Variants in CRBN observed in about 807,000 individuals in gnomAD.
The protein encoded by CRBN is cereblon, also known as protein cereblon.
Under a neutral mutation model 62.2 loss-of-function variants are expected in CRBN, and 53 were observed. That is an observed-to-expected ratio of 0.85 (90% CI 0.68 to 1.07). The LOEUF (loss-of-function observed/expected upper bound fraction) is 1.07, where lower values mean the gene tolerates loss of function less well. CRBN is among the 50% of genes least tolerant of loss of function. The pLI is 0.00. For synonymous variants in CRBN, 208 were observed against 176.1 expected (o/e 1.18, Z -1.43); for missense variants, 616 against 531.1 (o/e 1.16, Z -1.57).
upstream of CRBN, chr3:3,179,713 G>T: frequency 1.9e-6 from 3 of 1,608,468 alleles, no homozygotes; most frequent in Non-Finnish European, 2.5e-6. Context: ...AAGGAGGCTG[G>T]GACAGGGCGG....
intron 5 of CRBN, among the ~76,000 whole-genome samples, chr3:3,162,008 G>C (rs1390172314): frequency 6.6e-6 from 1 of 152,176 alleles, no homozygotes; most frequent in Non-Finnish European, 1.5e-5. Context: ...ATTAGGAGGA[G>C]ATTTAAACAC....
chr3:3,173,294 G>A (rs1232919874), intron 3 of CRBN, among the ~76,000 whole-genome samples: 1 of 152,122 alleles, frequency 6.6e-6, no homozygotes, highest in African/African-American at 2.4e-5. Context: ...CCGACCTCAG[G>A]TGATCCACCC....
At chr3:3,163,787 A>G (rs1354040717) in intron 5 of CRBN, among the ~76,000 whole-genome samples, 1 of 152,250 alleles carries the variant, frequency 6.6e-6, no homozygotes, top group Non-Finnish European at 1.5e-5. Flanking sequence ...TAATACAGGC[A>G]TACTGTGATT....
At chr3:3,152,263 G>C (rs1347501750) in intron 10 of CRBN, among the ~76,000 whole-genome samples, 193 bp downstream of exon 10, 1 of 150,922 alleles carries the variant, frequency 6.6e-6, no homozygotes, top group African/African-American at 2.4e-5. Context: ...AGAGATTCTT[G>C]TGCCTCAGCA....
intron 4 of CRBN, among the ~76,000 whole-genome samples, chr3:3,171,578 A>T (rs1669325): frequency 6.6e-6 from 1 of 152,088 alleles, no homozygotes; most frequent in African/African-American, 2.4e-5. Flanking sequence ...ATGTTCTGGA[A>T]AAGTACCTGG....
rs77227831 is a variant in CRBN at position 3,157,668 on chromosome 3, G to C, written c.688-1387C>G. Among the ~76,000 whole-genome samples, 283 of 152,230 alleles carry C rather than the reference G, an allele frequency of 1.9e-3. 2 individuals carry two copies. Among genetic ancestry groups the C allele is most frequent in the African/African-American group, 5.2e-3 (214 of 41,528 alleles). On this transcript the variant is annotated intron_variant, in intron 5 of 10. Coordinates refer to ENST00000231948, the MANE Select transcript of CRBN (RefSeq NM_016302.4). ...GCACACATAAAAGGGACTCGGGACT[G>C]AGCTGACAGCTGGAATTGTACTACG... is the stretch of plus-strand genomic sequence containing the variant.
rs1320293876 is a variant in CRBN at position 3,168,160 on chromosome 3, C to T, written c.528-367G>A. ...CTTTCTTAAACATTCTTAAGACACC[C>T]AAATTCTTCTATCCCCCCACTTCTT... On this transcript the variant is annotated intron_variant, in intron 4 of 10. Coordinates refer to ENST00000231948, the MANE Select transcript of CRBN (RefSeq NM_016302.4). 1.8e-3 allele frequency among the ~76,000 whole-genome samples: 274 copies of T among 151,674 alleles called. 2 individuals are homozygous for T. Among genetic ancestry groups the T allele is most frequent in the African/African-American group, 6.3e-3 (258 of 41,090 alleles).
At chr3:3,158,256 C>G (rs993964469) in intron 5 of CRBN, among the ~76,000 whole-genome samples, 1 of 152,198 alleles carries the variant, frequency 6.6e-6, no homozygotes, top group African/African-American at 2.4e-5. Flanking sequence ...CTATAAGAAT[C>G]TATGCTGCCA....
intron 9 of CRBN, chr3:3,153,079 A>T (rs1706696666): frequency 3.2e-6 from 1 of 308,354 alleles, no homozygotes; most frequent in Non-Finnish European, 6.1e-6. Flanking sequence ...TTGGCCCTAT[A>T]TGGCAAAACT....
In CRBN at chr3:3,157,610, C is replaced by T. The variant is rs188617916; in HGVS notation, c.688-1329G>A. ...CCTAGTCATATGATCTTGCAAGTGC[C>T]GGAGTAAGATCTGCAGGAAACGTGG... On this transcript the variant is annotated intron_variant, in intron 5 of 10. Coordinates refer to ENST00000231948, the MANE Select transcript of CRBN (RefSeq NM_016302.4). 6.4e-3 allele frequency among the ~76,000 whole-genome samples: 974 copies of T among 152,148 alleles called. 45 individuals are homozygous for T. Among genetic ancestry groups the T allele is most frequent in the Admixed American group, 0.048 (731 of 15,282 alleles).
chr3:3,163,718 T>C (rs1217304346), intron 5 of CRBN, among the ~76,000 whole-genome samples: 12 of 152,188 alleles, frequency 7.9e-5, no homozygotes, highest in Non-Finnish European at 1.5e-4. Flanking sequence ...GGATTTTTAA[T>C]GGTTAAGAAT....
Position 3,154,011 on chromosome 3 carries a change from T to A in CRBN, c.900A>T (p.Lys300Asn). Reference sequence around the variant, plus strand: ...GAAGTCGCTGGATAGCACTGCCAATTTTAAGGAGCTGAATTCTCAATACAT... The same window carrying A: ...GAAGTCGCTGGATAGCACTGCCAATATTAAGGAGCTGAATTCTCAATACAT... ...IDDVLRIQLL[K>N]IGSAIQRLRC... is the part of the protein sequence containing the mutation. Residue 300 changes from lysine to asparagine, a missense_variant, in exon 8 of 11, where the codon AAA becomes AAT. By Grantham distance (94) the Lys-to-Asn change is moderately conservative. Coordinates refer to ENST00000231948, the MANE Select transcript of CRBN (RefSeq NM_016302.4). The A allele has an allele frequency of 1.9e-6, 3 of 1,613,790 alleles. No homozygotes were observed. Among genetic ancestry groups the A allele is most frequent in the Non-Finnish European group, 8.5e-7 (1 of 1,179,730 alleles).
At chr3:3,157,790 T>C (rs182289784) in intron 5 of CRBN, among the ~76,000 whole-genome samples, 15 of 152,326 alleles carry the variant, frequency 9.8e-5, no homozygotes, top group African/African-American at 3.6e-4. Context: ...TAACTGCGGT[T>C]TTAACAGAAG....
chr3:3,161,773 T>G (rs116293057), intron 5 of CRBN, among the ~76,000 whole-genome samples: 2,228 of 152,336 alleles, frequency 0.015, 19 homozygotes, highest in Non-Finnish European at 0.022. Context: ...ATCATAAATA[T>G]TTACCTATAT....
At chr3:3,154,867 T>G in intron 6 of CRBN, 36 bp from the exon 7 acceptor site, 1 of 1,189,668 alleles carries the variant, frequency 8.4e-7, no homozygotes, top group South Asian at 1.2e-5. Flanking sequence ...ATCAAGTTCA[T>G]GGGCTTATTA....
chr3:3,177,021 A>C (rs186469443), intron 1 of CRBN, among the ~76,000 whole-genome samples: 89 of 152,332 alleles, frequency 5.8e-4, no homozygotes, highest in Admixed American at 1.4e-3. Context: ...TATTGGTTGC[A>C]ATAACTAAGG....
At chr3:3,153,386 A>G (rs545194008) in intron 9 of CRBN, 38 bp downstream of exon 9, 3 of 1,120,338 alleles carry the variant, frequency 2.7e-6, no homozygotes, top group East Asian at 4.7e-5. Context: ...TATAATTCTG[A>G]TAAGGCAAGT....
In CRBN at chr3:3,174,265, T is replaced by A. The variant is rs373448852; in HGVS notation, c.175-4A>T. The A allele has an allele frequency of 6.3e-7, 1 of 1,585,438 alleles. No individual in the cohort carries two copies. The highest frequency in any genetic ancestry group is 8.7e-7 in the Non-Finnish European group (1 of 1,153,652). The stretch of plus-strand genomic sequence containing the variant: ...CTTCCATATCAGCACCTAGGTACTA[T>A]ATAAAAACATATATAGGTATAGTGT... On this transcript the variant is annotated splice_region_variant and splice_polypyrimidine_tract_variant and intron_variant, in intron 2 of 10. Transcript: ENST00000231948.
At chr3:3,177,874 G>C (rs1050468017) in intron 1 of CRBN, among the ~76,000 whole-genome samples, 2 of 152,046 alleles carry the variant, frequency 1.3e-5, no homozygotes, top group Non-Finnish European at 2.9e-5. Context: ...AGAACAACTC[G>C]TACTACATGG....
Sources: allele counts gnomAD v4.1 joint callset (sites outside exome capture counted in the v4.1 genomes callset), GRCh38; gene constraint gnomAD v4.1.1; transcripts MANE v1.5; gene names NCBI Gene and HGNC (gene_info 2026-07-23, HGNC 2026-07-21).